The following FLT4 variants were observed in gnomAD, a reference collection of about 807,000 sequenced individuals.
FLT4 encodes the protein vascular endothelial growth factor receptor 3.
In FLT4, 30 loss-of-function variants were observed where a neutral mutation model predicts 163.2. The observed-to-expected ratio is 0.18, with a 90% confidence interval of 0.14 to 0.25. FLT4 has a LOEUF of 0.25. Among genes scored for constraint, FLT4 ranks in the 10% least tolerant of loss-of-function variants. The pLI, the probability that FLT4 is intolerant of heterozygous loss-of-function variation, is 1.00. For synonymous variants in FLT4, 884 were observed against 789.5 expected (o/e 1.12, Z -2.01); for missense variants, 1,510 against 1,863.8 (o/e 0.81, Z 3.50).
At chr5:180,642,828 G>T (rs970851832) in intron 1 of FLT4, among the ~76,000 whole-genome samples, 4 of 152,192 alleles carry the variant, frequency 2.6e-5, no homozygotes, top group Admixed American at 2.0e-4. Flanking sequence ...TCCATACACC[G>T]ATGGCAAATT....
In FLT4 at chr5:180,609,221, G is replaced by A. The variant is rs1431320832; in HGVS notation, c.3808-168C>T. 7.9e-5 allele frequency: 52 copies of A among 661,808 alleles called. 2 individuals are homozygous for A. In the South Asian group the frequency reaches 8.2e-4, roughly 10 times the overall value. 41.0% of individuals were successfully genotyped at this position (661,808 alleles called of 1,614,324 possible). ...GCGTCCATTCCATCCCAGGGTGAGG[G>A]TCACATGCCCCTGCCACGGAGGGAG... On this transcript the variant is annotated intron_variant, in intron 28 of 29. Transcript: ENST00000261937.
chr5:180,608,273 T>C (rs773404704), intron 29 of FLT4: 1 of 700,872 alleles, frequency 1.4e-6, no homozygotes, highest in South Asian at 1.5e-5. Flanking sequence ...TCTCTCTCTC[T>C]GCTTCAGCTA....
In FLT4 at chr5:180,619,329, C is replaced by G. The variant is rs1276121830; in HGVS notation, c.2685G>C (p.Ser895=). The G allele has an allele frequency of 3.7e-6, 6 of 1,611,344 alleles. No homozygotes were observed. The highest frequency in any genetic ancestry group is 2.2e-5 in the East Asian group (1 of 44,820). Residue 895 remains serine, a synonymous_variant, in exon 19 of 30, where the codon TCG becomes TCC. Coordinates refer to ENST00000261937, the MANE Select transcript of FLT4 (RefSeq NM_182925.5). The part of the protein sequence containing the change: ...ATASEHRALM[S]ELKILIHIGN... ...CGATGTGAATGAGGATCTTGAGCTCCGACATCAGCGCGCGGTGCTCGCTGG... is the reference window on the plus strand; with the variant it reads ...CGATGTGAATGAGGATCTTGAGCTCGGACATCAGCGCGCGGTGCTCGCTGG...
Position 180,623,245 on chromosome 5 carries a change from T to TC in FLT4, c.1549-407dup, listed in dbSNP as rs1278492717. ...CTGGATGGGGTCAGGCCCAATCCAGTCGCTGCTTGCTGAGATCCTCGTGAG... is the reference window on the plus strand; with the variant it reads ...CTGGATGGGGTCAGGCCCAATCCAGTCCGCTGCTTGCTGAGATCCTCGTGAG... On this transcript the variant is annotated intron_variant, in intron 11 of 29. Transcript: ENST00000261937. This position sits in a 1 kb window ranked among gnomAD's most constrained non-coding sequence, Gnocchi z 5.8. Among the ~76,000 whole-genome samples the TC allele has an allele frequency of 6.6e-6, 1 of 152,094 alleles. No individual in the cohort carries two copies.
At chr5:180,635,850 T>G (rs1353000548) in intron 1 of FLT4, among the ~76,000 whole-genome samples, 1 of 138,852 alleles carries the variant, frequency 7.2e-6, no homozygotes, top group East Asian at 2.3e-4. Flanking sequence ...GATGCATGGA[T>G]GGAAGTATGG....
intron 2 of FLT4, among the ~76,000 whole-genome samples, chr5:180,631,336 G>A (rs1014743115): frequency 8.5e-5 from 13 of 152,122 alleles, no homozygotes; most frequent in African/African-American, 2.2e-4. Flanking sequence ...AGCCGGGCGT[G>A]GTGGCGGGCA....
chr5:180,608,114 C>A (rs1205269648), intron 29 of FLT4: 1 of 700,460 alleles, frequency 1.4e-6, no homozygotes, highest in Admixed American at 2.0e-5. Context: ...CTTCAGTGGT[C>A]ACACTCCTTG....
rs775336901 is a variant in FLT4, at chr5:180,621,002, C to T, written c.2173G>A (p.Asp725Asn). 16 of 1,611,308 alleles carry T rather than the reference C, an allele frequency of 9.9e-6. No individual in the cohort carries two copies. In the African/African-American group the frequency reaches 2.0e-4, roughly 20 times the overall value. ...ERLLEEKSGV[D>N]LADSNQKLSI... is the part of the protein sequence containing the mutation. ...AGCTTCTGGTTGGAGTCCGCCAAGTCGACTCCTGCAGGGGGTGGGGTGGAG... is the reference window on the plus strand; with the variant it reads ...AGCTTCTGGTTGGAGTCCGCCAAGTTGACTCCTGCAGGGGGTGGGGTGGAG... Residue 725 changes from aspartate to asparagine, a missense_variant, in exon 15 of 30, where the codon GAC becomes AAC. By Grantham distance (23) the Asp-to-Asn change is conservative (BLOSUM62 1). Coordinates refer to ENST00000261937, the MANE Select transcript of FLT4 (RefSeq NM_182925.5).
intron 29 of FLT4, chr5:180,608,284 C>T: frequency 1.4e-6 from 1 of 700,838 alleles, no homozygotes; most frequent in Middle Eastern, 3.7e-4. Context: ...GCTTCAGCTA[C>T]CTAAGAGGGA....
At chr5:180,639,080 T>C (rs1033616473) in intron 1 of FLT4, among the ~76,000 whole-genome samples, 2 of 151,324 alleles carry the variant, frequency 1.3e-5, no homozygotes, top group African/African-American at 4.9e-5. Context: ...GATGGGTAGG[T>C]AGGTGGATAG....
At chr5:180,605,716 C>T (rs1372076319) in intron 29 of FLT4, among the ~76,000 whole-genome samples, 2 of 152,222 alleles carry the variant, frequency 1.3e-5, no homozygotes, top group African/African-American at 2.4e-5. Context: ...TATCATCCTG[C>T]CACCAGGGGC....
chr5:180,645,851 T>A (rs6869846), intron 1 of FLT4, among the ~76,000 whole-genome samples: 4,377 of 152,196 alleles, frequency 0.029, 208 homozygotes, highest in African/African-American at 0.097. Context: ...CTGGACACAC[T>A]GACTGAATCT....
Position 180,608,899 on chromosome 5 carries a change from C to A in FLT4, c.3893+69G>T. The A allele has an allele frequency of 2.9e-6, 4 of 1,361,514 alleles. No homozygotes were observed. In the East Asian group the frequency reaches 9.1e-5, roughly 31 times the overall value. The allele number at this position is 1,361,514 out of a possible 1,614,324, so 84.3% of individuals were successfully genotyped here. A position where few individuals can be genotyped will look rare whatever the true frequency, so the allele number is the denominator to read the frequency against. On this transcript the variant is annotated intron_variant, in intron 29 of 29. Transcript: ENST00000261937. Reference sequence around the variant, plus strand: ...GGAAGAGGGCTGGGCACACCCAGACCCCAGCCTCCCTCCTCCAGGGGAGGG... The same window carrying A: ...GGAAGAGGGCTGGGCACACCCAGACACCAGCCTCCCTCCTCCAGGGGAGGG...
At chr5:180,618,565 T>C (rs1762854523) in intron 21 of FLT4, among the ~76,000 whole-genome samples, 1 of 152,228 alleles carries the variant, frequency 6.6e-6, no homozygotes, top group African/African-American at 2.4e-5. Context: ...TGCAGGGCAA[T>C]TTCCTATTCA....
chr5:180,611,252 C>CT (rs997425083), intron 27 of FLT4, 79 bp downstream of exon 27: 14 of 1,549,504 alleles, frequency 9.0e-6, no homozygotes, highest in South Asian at 6.7e-5. Flanking sequence ...TGCTTTTCCC[C>CT]GATGACGCAG....
intron 1 of FLT4, 36 bp from the exon 2 acceptor site, chr5:180,631,814 T>C (rs759762345): frequency 8.9e-6 from 13 of 1,463,394 alleles, no homozygotes; most frequent in Non-Finnish European, 1.2e-5. Context: ...GGTGCTGGGC[T>C]GTGACTTGGC....
chr5:180,626,474 C>T (rs555253613), intron 8 of FLT4, among the ~76,000 whole-genome samples: 31 of 152,294 alleles, frequency 2.0e-4, no homozygotes, highest in African/African-American at 4.8e-4. Context: ...CCGTGTCAGG[C>T]GGCCGGCTCG....
chr5:180,619,414 C>G (rs774676228), intron 18 of FLT4, 48 bp from the exon 19 acceptor site: 198 of 1,306,498 alleles, frequency 1.5e-4, no homozygotes, highest in Non-Finnish European at 2.0e-4. Context: ...GGCAGGTCCC[C>G]GTTCCCCGCC....
At chr5:180,643,607 C>T (rs1010713230) in intron 1 of FLT4, among the ~76,000 whole-genome samples, 1 of 152,152 alleles carries the variant, frequency 6.6e-6, no homozygotes, top group Non-Finnish European at 1.5e-5. Flanking sequence ...CCCTTTGCTG[C>T]TTATGGACAG....
Sources: allele counts gnomAD v4.1 joint callset (sites outside exome capture counted in the v4.1 genomes callset), GRCh38; gene constraint gnomAD v4.1.1; non-coding constraint Gnocchi (gnomAD v3.1); transcripts MANE v1.5; gene names NCBI Gene and HGNC (gene_info 2026-07-23, HGNC 2026-07-21).